RASAL1: variants seen among roughly 807,000 people sequenced by gnomAD.
RASAL1 encodes the protein RAS protein activator like 1.
Under a neutral mutation model 96.6 loss-of-function variants are expected in RASAL1, and 72 were observed. The ratio of observed to expected loss-of-function variants is 0.75; its 90% CI spans 0.62 to 0.91. RASAL1 has a LOEUF of 0.91. RASAL1 is among the 40% of genes least tolerant of loss of function. RASAL1 has a pLI of 0.00. For synonymous variants in RASAL1, 405 were observed against 430.4 expected (o/e 0.94, Z 0.73); for missense variants, 1,016 against 1,072.5 (o/e 0.95, Z 0.74).
In RASAL1 at chr12:113,133,557, G is replaced by T. The variant is rs377462009; in HGVS notation, c.65+1841C>A. Among the ~76,000 whole-genome samples, 16 of 152,282 alleles carry T rather than the reference G, an allele frequency of 1.1e-4. No homozygotes were observed. In the East Asian group the frequency reaches 2.7e-3, roughly 26 times the overall value. ...TAAAAACTCTAAAATTACCTGAAGA[G>T]GCCTCCTCCCGGGCCAGAATGGACC... On this transcript the variant is annotated intron_variant, in intron 1 of 20. Transcript: ENST00000548055.
At chr12:113,104,408 A>G in intron 16 of RASAL1, 110 bp from the exon 17 acceptor site, 1 of 1,116,254 alleles carries the variant, frequency 9.0e-7, no homozygotes, top group Non-Finnish European at 1.3e-6. Flanking sequence ...GCGGCGGGAC[A>G]TTCAACCCTG....
rs867239200 is a variant in RASAL1 at position 113,132,258 on chromosome 12, C to A, written c.66-1317G>T. 3.9e-5 allele frequency among the ~76,000 whole-genome samples: 6 copies of A among 152,288 alleles called. 1 individual carries two copies. In the Middle Eastern group the frequency reaches 0.014, roughly 345 times the overall value. ...AAAGTGTTGGGATTACAGGCGTGAG[C>A]CACCACAGCCGGCCTCCCTTATTTC... On this transcript the variant is annotated intron_variant, in intron 1 of 20. Coordinates refer to ENST00000548055, the MANE Select transcript of RASAL1 (RefSeq NM_001301202.2).
rs139030196 is a variant in RASAL1 at position 113,123,466 on chromosome 12, C to T, written c.299-1828G>A. Among the ~76,000 whole-genome samples, 618 of 152,332 alleles carry T rather than the reference C, an allele frequency of 4.1e-3. 4 individuals carry two copies. The highest frequency in any genetic ancestry group is 0.014 in the African/African-American group (581 of 41,576). ...ATGTTGAGTAACATCCACCCTGCCC[C>T]TTGTCCAAGTTTTAGTCTCTTTGTT... is the stretch of plus-strand genomic sequence containing the variant. On this transcript the variant is annotated intron_variant, in intron 4 of 20. Coordinates refer to ENST00000548055, the MANE Select transcript of RASAL1 (RefSeq NM_001301202.2).
intron 13 of RASAL1, 31 bp from the exon 14 acceptor site, chr12:113,108,253 C>T: frequency 6.3e-7 from 1 of 1,590,420 alleles, no homozygotes; most frequent in Non-Finnish European, 8.5e-7. Flanking sequence ...TAAGAGGAGC[C>T]CCCCAAACCC....
intron 8 of RASAL1, among the ~76,000 whole-genome samples, chr12:113,116,677 G>A (rs573432640): frequency 3.9e-5 from 6 of 152,304 alleles, no homozygotes; most frequent in Admixed American, 2.0e-4. Flanking sequence ...ATTGTTGACA[G>A]TGTGAACAAG....
In RASAL1 at chr12:113,100,628, CTG is replaced by C; in HGVS notation, c.2276_2277del (p.Thr759ArgfsTer5). The C allele has an allele frequency of 6.2e-7, 1 of 1,608,834 alleles. No homozygotes were observed. Among genetic ancestry groups the C allele is most frequent in the Non-Finnish European group, 8.5e-7 (1 of 1,175,820 alleles). ...SNMDTTLEAD[T>X]GACPEVLARQ... ...CCTTCTGAGGTACAGGAGCCCTTAC[CTG>C]TGTCTGCCTCCAGAGTTGTATCCAT... On this transcript the variant is annotated frameshift_variant and splice_region_variant, in exon 20 of 21. Transcript: ENST00000548055. LOFTEE classifies it low-confidence loss of function (END_TRUNC).
intron 18 of RASAL1, 176 bp downstream of exon 18, chr12:113,103,770 A>T (rs190489302): frequency 1.2e-6 from 1 of 831,278 alleles, no homozygotes; most frequent in African/African-American, 1.7e-5. Flanking sequence ...TCATTTAATT[A>T]TCACAACTCC....
rs776841061 is a variant in RASAL1 at position 113,116,052 on chromosome 12, CT to C, written c.732-2del. The C allele has an allele frequency of 8.9e-6, 14 of 1,577,956 alleles. No individual in the cohort carries two copies. The Middle Eastern group carries it at 5.1e-4, about 57-fold the overall frequency. On this transcript the variant is annotated splice_acceptor_variant, in intron 8 of 20. Transcript: ENST00000548055. LOFTEE classifies it high-confidence loss of function. ...CACTCGCAGGGCACCCAGGTTCCCC[CT>C]GTCCAGGATCAGATCATAAGAAAAT...
chr12:113,113,875 G>A (rs551900385), intron 12 of RASAL1, among the ~76,000 whole-genome samples: 44 of 152,226 alleles, frequency 2.9e-4, no homozygotes, highest in Non-Finnish European at 5.0e-4. Flanking sequence ...AGCTCTCCAC[G>A]ATCTCCCTTG....
At chr12:113,116,132 G>T (rs755427392) in intron 8 of RASAL1, 81 bp from the exon 9 acceptor site, 52 of 1,165,414 alleles carry the variant, frequency 4.5e-5, no homozygotes, top group Non-Finnish European at 6.2e-5. Context: ...CATTTTGGGA[G>T]GCCAAGGTGG....
At chr12:113,104,882 T>C (rs1950593673) in intron 16 of RASAL1, among the ~76,000 whole-genome samples, 1 of 152,234 alleles carries the variant, frequency 6.6e-6, no homozygotes, top group Non-Finnish European at 1.5e-5. Flanking sequence ...TGGGACGCGA[T>C]TCCAAGCACT....
intron 14 of RASAL1, among the ~76,000 whole-genome samples, chr12:113,107,798 T>C (rs1047240174): frequency 9.2e-5 from 14 of 152,216 alleles, no homozygotes; most frequent in African/African-American, 3.4e-4. Context: ...AATCTCAAGT[T>C]GTTGCCCTTT....
rs780380915 is a variant in RASAL1 at position 113,115,591 on chromosome 12, C to G, written c.1003+44G>C. 1.2e-6 allele frequency: 2 copies of G among 1,600,078 alleles called. No homozygotes were observed. The highest frequency in any genetic ancestry group is 3.4e-5 in the Admixed American group (2 of 58,932). ...CTCCCCCAGGACCCTCCTGCAAGCC[C>G]ACCATTGAGGGCGGTGATGTCGGGG... On this transcript the variant is annotated intron_variant, in intron 10 of 20. Coordinates refer to ENST00000548055, the MANE Select transcript of RASAL1 (RefSeq NM_001301202.2). The surrounding 1 kb of genome is among the most constrained non-coding windows in gnomAD (Gnocchi z 4.1).
Position 113,103,986 on chromosome 12 carries a change from G to C in RASAL1, c.2064C>G (p.Arg688=), listed in dbSNP as rs1406125715. 4.5e-6 allele frequency: 7 copies of C among 1,569,444 alleles called. No individual in the cohort carries two copies. In the Admixed American group the frequency reaches 1.3e-4, roughly 29 times the overall value. ...GGAGGCAGCAGGTCCAGCGCGCGCT[G>C]CGGAAGGCACCGGGGTGGCAGGCGG... ...KLAACHPGAF[R]SARWTCCLQA... Residue 688 remains arginine, a synonymous_variant, in exon 18 of 21, where the codon CGC becomes CGG. Coordinates refer to ENST00000548055, the MANE Select transcript of RASAL1 (RefSeq NM_001301202.2).
chr12:113,103,079 T>G (rs1950506725), intron 18 of RASAL1: 1 of 332,588 alleles, frequency 3.0e-6, no homozygotes, highest in Non-Finnish European at 6.1e-6. Flanking sequence ...ATCTCAAACG[T>G]CTCATCTTGG....
Position 113,117,102 on chromosome 12 carries a change from C to G in RASAL1, c.702G>C (p.Leu234=). The G allele has an allele frequency of 1.2e-6, 2 of 1,610,140 alleles. No homozygotes were observed. The highest frequency in any genetic ancestry group is 8.5e-7 in the Non-Finnish European group (1 of 1,177,126). The part of the protein sequence containing the change: ...QKPPKGWFRL[L]PFPRAEEDSG... ...AATCCTCCTCGGCTCTGGGAAAGGG[C>G]AGGAGGCGGAACCAGCCTTTAGGTG... The change falls in exon 8 of 21, where the codon CTG becomes CTC. Residue 234 remains leucine (L), a synonymous_variant. Coordinates refer to ENST00000548055, the MANE Select transcript of RASAL1 (RefSeq NM_001301202.2).
Position 113,105,587 on chromosome 12 carries a change from G to A in RASAL1, c.1830+127C>T, listed in dbSNP as rs764433196. On this transcript the variant is annotated intron_variant, in intron 16 of 20. Transcript: ENST00000548055. ...GAGCCTGTCCTGAGAGTTTGTCGTTGTTAAGTTGCTATGGCATCTTGGGGC... is the reference window on the plus strand; with the variant it reads ...GAGCCTGTCCTGAGAGTTTGTCGTTATTAAGTTGCTATGGCATCTTGGGGC... The A allele has an allele frequency of 8.6e-6, 9 of 1,047,396 alleles. No homozygotes were observed. In the Admixed American group the frequency reaches 2.2e-4, roughly 26 times the overall value. 64.9% of individuals were successfully genotyped at this position (1,047,396 alleles called of 1,614,324 possible). A position where few individuals can be genotyped will look rare whatever the true frequency, so the allele number is the denominator to read the frequency against.
At chr12:113,107,735 A>T (rs982137019) in intron 14 of RASAL1, 1 of 395,298 alleles carries the variant, frequency 2.5e-6, no homozygotes, top group African/African-American at 2.1e-5. Context: ...TTCCCTCCCG[A>T]GCCCAGATCC....
At chr12:113,123,737 C>A (rs1438370423) in intron 4 of RASAL1, among the ~76,000 whole-genome samples, 1 of 152,184 alleles carries the variant, frequency 6.6e-6, no homozygotes. Flanking sequence ...GCACCTGCCA[C>A]CATGCCCATC....
Sources: allele counts gnomAD v4.1 joint callset (sites outside exome capture counted in the v4.1 genomes callset), GRCh38; gene constraint gnomAD v4.1.1; non-coding constraint Gnocchi (gnomAD v3.1); transcripts MANE v1.5; gene names NCBI Gene and HGNC (gene_info 2026-07-23, HGNC 2026-07-21).